Variants in ASMT observed in about 807,000 individuals in gnomAD.
ASMT encodes the protein acetylserotonin O-methyltransferase, also known as acetylserotonin N-methyltransferase.
Under a neutral mutation model 41.3 loss-of-function variants are expected in ASMT, and 53 were observed. The observed-to-expected ratio is 1.28, with a 90% confidence interval of 1.03 to 1.61. The LOEUF is 1.61. Ranked by LOEUF, ASMT falls within the 40% of genes most tolerant of loss-of-function variation. ASMT has a pLI of 0.00. For synonymous variants in ASMT, 231 were observed against 184.8 expected (o/e 1.25, Z -2.03); for missense variants, 531 against 441.3 (o/e 1.20, Z -1.82).
chrX:1,642,701 G>C (rs1935236800), intron 8 of ASMT, 102 bp from the exon 9 acceptor site: 4 of 1,070,242 alleles, frequency 3.7e-6, no homozygotes, highest in Non-Finnish European at 5.8e-6. Flanking sequence ...ACGGTGCCCT[G>C]ACTGTCCTCT....
intron 7 of ASMT, among the ~76,000 whole-genome samples, chrX:1,634,567 C>T (rs1299614297): frequency 1.3e-5 from 2 of 152,122 alleles, no homozygotes; most frequent in African/African-American, 2.4e-5. Flanking sequence ...TGAGGTAGGA[C>T]ATTCTTAGAG....
chrX:1,630,748 G>C (rs2149468432), intron 5 of ASMT, among the ~76,000 whole-genome samples: 1 of 152,016 alleles, frequency 6.6e-6, no homozygotes, highest in East Asian at 1.9e-4. Flanking sequence ...TGTAGAGCCT[G>C]AGTCTCTCTA....
At chrX:1,616,938 G>C (rs1274790349) in intron 1 of ASMT, among the ~76,000 whole-genome samples, 4 of 151,892 alleles carry the variant, frequency 2.6e-5, no homozygotes, top group East Asian at 3.9e-4. Flanking sequence ...TCGATCTCCT[G>C]ACCTCATGAT....
At chrX:1,622,318 C>T (rs1219656120) in intron 1 of ASMT, among the ~76,000 whole-genome samples, 2 of 150,622 alleles carry the variant, frequency 1.3e-5, no homozygotes, top group Admixed American at 1.3e-4. Context: ...GAGACAGAGT[C>T]TTACTCTGTC....
chrX:1,624,208 G>A (rs1305379942), intron 2 of ASMT, 61 bp from the exon 3 acceptor site: 114 of 1,609,214 alleles, frequency 7.1e-5, no homozygotes, highest in Middle Eastern at 1.9e-4. Flanking sequence ...GCTGGGGAGC[G>A]TCCGCCGGCA....
intron 1 of ASMT, among the ~76,000 whole-genome samples, chrX:1,618,990 C>T (rs1360408682): frequency 6.6e-6 from 1 of 152,186 alleles, no homozygotes; most frequent in African/African-American, 2.4e-5. Context: ...AGAGTTAATG[C>T]AGAGTTAATA....
chrX:1,625,393 G>A (rs749433178), intron 3 of ASMT, among the ~76,000 whole-genome samples: 6 of 151,626 alleles, frequency 4.0e-5, no homozygotes, highest in African/African-American at 1.4e-4. Flanking sequence ...CTACTCAGGA[G>A]GCTAAGGTGG....
intron 4 of ASMT, among the ~76,000 whole-genome samples, chrX:1,628,806 C>A (rs1222129086): frequency 9.4e-6 from 1 of 106,494 alleles, no homozygotes; most frequent in Non-Finnish European, 2.0e-5. Flanking sequence ...CTTCACCTGC[C>A]TCTCTCCTTC....
chrX:1,628,465 C>T (rs1483590927), intron 4 of ASMT, among the ~76,000 whole-genome samples: 1 of 152,218 alleles, frequency 6.6e-6, no homozygotes, highest in East Asian at 1.9e-4. Flanking sequence ...ACCTAGAATT[C>T]CCAGATGGAG....
intron 1 of ASMT, among the ~76,000 whole-genome samples, chrX:1,617,060 C>T (rs1424769668): frequency 1.3e-5 from 2 of 152,130 alleles, no homozygotes; most frequent in East Asian, 3.9e-4. Flanking sequence ...GTAGTCCCAG[C>T]TACTCAGGAG....
intron 4 of ASMT, among the ~76,000 whole-genome samples, chrX:1,629,357 C>G (rs1225184828): frequency 2.0e-5 from 3 of 152,030 alleles, no homozygotes; most frequent in African/African-American, 7.2e-5. Context: ...CTTCCAACAC[C>G]AGAGCCCTGT....
At chrX:1,619,664 A>G (rs1280740271) in intron 1 of ASMT, among the ~76,000 whole-genome samples, 2 of 150,984 alleles carry the variant, frequency 1.3e-5, no homozygotes, top group Non-Finnish European at 2.9e-5. Flanking sequence ...TGCACCTTTC[A>G]TAGACCAAGG....
chrX:1,627,936 ATC>A (rs1569376399), intron 4 of ASMT, 165 bp downstream of exon 4: 139,705 of 721,264 alleles, frequency 0.19, 15,677 homozygotes, highest in African/African-American at 0.37. Context: ...GATTTTGCTC[ATC>A]TGATGTTTAA....
chrX:1,624,193 G>A, intron 2 of ASMT, 76 bp from the exon 3 acceptor site: 1 of 1,573,192 alleles, frequency 6.4e-7, no homozygotes. Context: ...TCACGATGTT[G>A]TCGAGCTGGG....
intron 8 of ASMT, among the ~76,000 whole-genome samples, 176 bp from the exon 9 acceptor site, chrX:1,642,627 G>A (rs1233605653): frequency 6.6e-6 from 1 of 152,114 alleles, no homozygotes; most frequent in Non-Finnish European, 1.5e-5. Context: ...CCAGCGTCCT[G>A]TGAGGTTCAC....
chrX:1,632,370 G>A (rs1325585054), intron 5 of ASMT, among the ~76,000 whole-genome samples: 1 of 152,082 alleles, frequency 6.6e-6, no homozygotes. Context: ...GGATGAGTTC[G>A]GCCGGGCGCG....
At chrX:1,625,551 A>AGGGGGGGAGGGAGGGAAAGGGG (rs1934504135) in intron 3 of ASMT, among the ~76,000 whole-genome samples, 1 of 65,288 alleles carries the variant, frequency 1.5e-5, no homozygotes, top group Non-Finnish European at 2.9e-5. Flanking sequence ...GAAGGGAGGG[A>AGGGGGGGAGGGAGGGAAAGGGG]GGGAGGGAGG....
intron 8 of ASMT, among the ~76,000 whole-genome samples, chrX:1,640,556 G>GT (rs1556143639): frequency 1.9e-5 from 1 of 53,110 alleles, no homozygotes; most frequent in Non-Finnish European, 3.1e-5. Flanking sequence ...CAGTGTCCCA[G>GT]TGTCCTGTGA....
rs780521652 is a variant in ASMT at position 1,627,664 on chromosome X, GAAATGAAATGAA to G, written c.375-36_375-25del. 2.5e-5 allele frequency: 32 copies of G among 1,264,514 alleles called. No individual in the cohort carries two copies. The Admixed American group carries it at 3.4e-4, about 14-fold the overall frequency. The allele number at this position is 1,264,514 out of a possible 1,614,324, so 78.3% of individuals were successfully genotyped here. On this transcript the variant is annotated intron_variant, in intron 3 of 8. Coordinates refer to ENST00000381241, the MANE Select transcript of ASMT (RefSeq NM_001171038.2). ...GAAATGAAATGAAATGAAATGAAATGAAATGAAATGAAAATCAGCCTTCTCTCTCTTTTCTTA... is the reference window on the plus strand; with the variant it reads ...GAAATGAAATGAAATGAAATGAAATGAATCAGCCTTCTCTCTCTTTTCTTA...
Sources: gnomAD v4.1 joint callset for allele counts (sites outside exome capture counted in the v4.1 genomes callset) on GRCh38, gnomAD v4.1.1 for gene constraint, MANE v1.5 for transcripts, NCBI Gene and HGNC (gene_info 2026-07-23, HGNC 2026-07-21) for gene names.